Variants in PRKX observed in about 807,000 individuals in gnomAD.
PRKX encodes cAMP-dependent protein kinase catalytic subunit PRKX.
Under a neutral mutation model 22.0 loss-of-function variants are expected in PRKX, and 12 were observed. That is an observed-to-expected ratio of 0.54 (90% CI 0.35 to 0.88). PRKX has a LOEUF of 0.88. Among genes scored for constraint, PRKX ranks in the 40% least tolerant of loss-of-function variants. The probability of loss-of-function intolerance (pLI) is 0.01; values close to 1 mark genes in which losing one functional copy is unlikely to be tolerated. For missense variants in PRKX, 217 were observed against 308.0 expected (o/e 0.70, Z 2.21); for synonymous variants, 134 against 137.7 (o/e 0.97, Z 0.19).
At chrX:3,700,148 T>C (rs1390926169) in intron 1 of PRKX, among the ~76,000 whole-genome samples, 2 of 112,344 alleles carry the variant, frequency 1.8e-5, no homozygotes, top group South Asian at 3.7e-4. Flanking sequence ...CCTAACAGTT[T>C]TCCTCGGTTA....
chrX:3,630,677 A>G (rs1300143658), intron 4 of PRKX, among the ~76,000 whole-genome samples: 2 of 112,073 alleles, frequency 1.8e-5, no homozygotes, highest in Non-Finnish European at 3.8e-5. Context: ...GCACATTTAC[A>G]TGGTGGCAGA....
Position 3,643,086 on chromosome X carries a change from C to T in PRKX, c.600-1115G>A, listed in dbSNP as rs192140784. Among the ~76,000 whole-genome samples the T allele has an allele frequency of 2.5e-3, 244 of 97,227 alleles. 1 individual carries two copies. Among genetic ancestry groups the T allele is most frequent in the African/African-American group, 8.9e-3 (231 of 25,845 alleles). The allele number at this position is 97,227 out of a possible 115,157, so 84.4% of individuals were successfully genotyped here. On this transcript the variant is annotated intron_variant, in intron 3 of 8. Transcript: ENST00000262848. The stretch of plus-strand genomic sequence containing the variant: ...GAGACTGGATGGTTTGCAAAGCTTA[C>T]GTATGTTCTCTTTGGCTCTTTACAC...
intron 1 of PRKX, among the ~76,000 whole-genome samples, chrX:3,701,870 G>C: frequency 8.9e-6 from 1 of 111,895 alleles, no homozygotes; most frequent in Non-Finnish European, 1.9e-5. Flanking sequence ...GGCAACGTCA[G>C]GAAGTTACCC....
rs1928714272 is a variant in PRKX, at chrX:3,707,829, C to T, written c.166+5259G>A. On this transcript the variant is annotated intron_variant, in intron 1 of 8. Coordinates refer to ENST00000262848, the MANE Select transcript of PRKX (RefSeq NM_005044.5). ...ATGCATGAGCCTGTCTCACACGGAG[C>T]ACCCACATAAGGTAAATAAGATCAA... 4.5e-5 allele frequency among the ~76,000 whole-genome samples: 5 copies of T among 111,527 alleles called. No homozygotes were observed. In the South Asian group the frequency reaches 1.9e-3, roughly 42 times the overall value.
At chrX:3,703,982 AT>A (rs1569065427) in intron 1 of PRKX, among the ~76,000 whole-genome samples, 1 of 110,838 alleles carries the variant, frequency 9.0e-6, no homozygotes, top group East Asian at 2.8e-4. Flanking sequence ...TCTAATGGCT[AT>A]TTATCATGTT....
chrX:3,622,014 C>T (rs781682826), intron 5 of PRKX, among the ~76,000 whole-genome samples: 5 of 110,621 alleles, frequency 4.5e-5, no homozygotes, highest in Non-Finnish European at 7.6e-5. Context: ...CATGCTGGCA[C>T]ACAACTGTGG....
intron 1 of PRKX, among the ~76,000 whole-genome samples, chrX:3,704,106 G>A (rs1928635106): frequency 8.9e-6 from 1 of 111,980 alleles, no homozygotes; most frequent in Admixed American, 9.5e-5. Flanking sequence ...AATCGGAGAC[G>A]CCGGGAAAAC....
At chrX:3,613,695 A>G (rs1926352868) in intron 7 of PRKX, among the ~76,000 whole-genome samples, 1 of 106,251 alleles carries the variant, frequency 9.4e-6, no homozygotes, top group African/African-American at 3.4e-5. Context: ...AAACACACAA[A>G]AAAATTAGCT....
chrX:3,704,606 G>T (rs959754213), intron 1 of PRKX, among the ~76,000 whole-genome samples: 1 of 110,769 alleles, frequency 9.0e-6, no homozygotes, highest in Non-Finnish European at 1.9e-5. Flanking sequence ...CGTCAATGCT[G>T]CAGTGACACC....
intron 4 of PRKX, among the ~76,000 whole-genome samples, chrX:3,630,402 T>C (rs1345022737): frequency 2.8e-5 from 3 of 106,915 alleles, no homozygotes; most frequent in Non-Finnish European, 5.9e-5. Flanking sequence ...CTACCAAAAA[T>C]ACAAAAAATT....
chrX:3,637,376 C>T (rs1926913790), intron 4 of PRKX, among the ~76,000 whole-genome samples: 1 of 111,315 alleles, frequency 9.0e-6, no homozygotes, highest in African/African-American at 3.3e-5. Context: ...AGGGACACAG[C>T]TGATGGGTAC....
At chrX:3,615,050 G>A in intron 7 of PRKX, among the ~76,000 whole-genome samples, 1 of 83,050 alleles carries the variant, frequency 1.2e-5, no homozygotes, top group East Asian at 3.6e-4. Flanking sequence ...ACAGGGTCTG[G>A]CTCTGTCGCC....
chrX:3,638,658 C>A (rs1448067891), intron 4 of PRKX, among the ~76,000 whole-genome samples: 1 of 111,299 alleles, frequency 9.0e-6, no homozygotes, highest in East Asian at 2.8e-4. Context: ...ATTCAAAAGA[C>A]CAACAGGCCG....
chrX:3,670,686 C>T (rs773754774), intron 2 of PRKX, among the ~76,000 whole-genome samples: 2 of 110,862 alleles, frequency 1.8e-5, no homozygotes, highest in Admixed American at 9.6e-5. Context: ...GCAGGGACTA[C>T]AGGCCCCCCC....
At chrX:3,618,421 C>A (rs956535236) in intron 6 of PRKX, among the ~76,000 whole-genome samples, 2 of 109,912 alleles carry the variant, frequency 1.8e-5, no homozygotes, top group African/African-American at 6.6e-5. Flanking sequence ...AGCTCGAGAC[C>A]AGCCTGGGCA....
At chrX:3,667,227 G>C (rs1927753673) in intron 2 of PRKX, 1 of 111,686 alleles carries the variant, frequency 9.0e-6, no homozygotes, top group Non-Finnish European at 1.9e-5. Context: ...GGGTCTGCGG[G>C]GATGGCTTGT....
intron 1 of PRKX, among the ~76,000 whole-genome samples, chrX:3,689,725 C>T (rs12401110): frequency 0.25 from 27,246 of 110,881 alleles, 2,660 homozygotes; most frequent in Middle Eastern, 0.32. Flanking sequence ...CACCTGTAAT[C>T]CCAACACTTT....
In PRKX at chrX:3,655,270, T is replaced by A; in HGVS notation, c.478A>T (p.Ile160Phe). 8.2e-7 allele frequency: 1 copy of A among 1,212,227 alleles called. No individual in the cohort carries two copies. Residue 160 changes from isoleucine to phenylalanine, a missense_variant, in exon 3 of 9, where the codon ATC becomes TTC. By Grantham distance (21) the Ile-to-Phe change is conservative. Coordinates refer to ENST00000262848, the MANE Select transcript of PRKX (RefSeq NM_005044.5). Reference sequence around the variant, plus strand: ...ATCTCTTTGGAGTGCAGGTACTCGATGGCACAGATGATCTCTGCAGAGTAG... The same window carrying A: ...ATCTCTTTGGAGTGCAGGTACTCGAAGGCACAGATGATCTCTGCAGAGTAG... ...LFYSAEIICA[I>F]EYLHSKEIVY...
At chrX:3,706,119 T>C (rs1928680544) in intron 1 of PRKX, among the ~76,000 whole-genome samples, 1 of 110,959 alleles carries the variant, frequency 9.0e-6, no homozygotes, top group African/African-American at 3.3e-5. Context: ...AGGAAACTGA[T>C]GGATAGAAAA....
Sources: allele counts gnomAD v4.1 joint callset (sites outside exome capture counted in the v4.1 genomes callset), GRCh38; gene constraint gnomAD v4.1.1; transcripts MANE v1.5; gene names NCBI Gene and HGNC (gene_info 2026-07-23, HGNC 2026-07-21).